The following GPC6 variants were observed in gnomAD, a reference collection of about 807,000 sequenced individuals.
The protein encoded by GPC6 is glypican 6.
GPC6 carries 14 observed loss-of-function variants against 55.2 expected under a neutral mutation model. The observed-to-expected ratio is 0.25, with a 90% CI of 0.17 to 0.40. The LOEUF (loss-of-function observed/expected upper bound fraction) is 0.40. GPC6 is among the 10% of genes least tolerant of loss of function. The pLI, the probability that GPC6 is intolerant of heterozygous loss-of-function variation, is 1.00. For missense variants in GPC6, 641 were observed against 708.5 expected, an observed-to-expected ratio of 0.90 and a Z score of 1.08; for synonymous variants, 278 against 259.6, an observed-to-expected ratio of 1.07 and a Z score of -0.68.
chr13:94,182,883 C>G lies in GPC6; in HGVS notation c.878-103466C>G, dbSNP rs931946680. On this transcript the variant is annotated intron_variant, in intron 4 of 8. Coordinates refer to ENST00000377047, the MANE Select transcript of GPC6 (RefSeq NM_005708.5). ...CTGAACCCCTCAGGTTCAAGTGATC[C>G]TCCCACCTCAGCCTCCCAAGTAGCT... is the stretch of plus-strand genomic sequence containing the variant. Among the ~76,000 whole-genome samples the G allele has an allele frequency of 2.0e-5, 3 of 152,262 alleles. No individual in the cohort carries two copies. The East Asian group carries it at 5.8e-4, about 29-fold the overall frequency.
At chr13:93,979,596 C>G (rs1361977340) in intron 3 of GPC6, among the ~76,000 whole-genome samples, 1 of 151,990 alleles carries the variant, frequency 6.6e-6, no homozygotes, top group Admixed American at 6.6e-5. Context: ...ATTTAGAAGA[C>G]TTACAGCCGC....
At position 94,054,390 on chromosome 13, in the gene GPC6, G is replaced by A. The variant is rs187679751; in HGVS notation, c.877+26496G>A. 1.6e-4 allele frequency among the ~76,000 whole-genome samples: 25 copies of A among 152,296 alleles called. No homozygotes were observed. The East Asian group carries it at 3.3e-3, about 20-fold the overall frequency. Reference sequence around the variant, plus strand: ...TTAGATCAGTGGAGTCGCCCGGAGGGCCTGTTAAACCACAAAGCGCTGTGC... The same window carrying A: ...TTAGATCAGTGGAGTCGCCCGGAGGACCTGTTAAACCACAAAGCGCTGTGC... On this transcript the variant is annotated intron_variant, in intron 4 of 8. Coordinates refer to ENST00000377047, the MANE Select transcript of GPC6 (RefSeq NM_005708.5).
At chr13:93,498,470 A>G (rs934867524) in intron 1 of GPC6, among the ~76,000 whole-genome samples, 1 of 152,128 alleles carries the variant, frequency 6.6e-6, no homozygotes, top group Non-Finnish European at 1.5e-5. Context: ...CTCAACTTGA[A>G]TTGTGTCTCC....
chr13:94,144,042 A>C (rs1887472484), intron 4 of GPC6, among the ~76,000 whole-genome samples: 1 of 152,152 alleles, frequency 6.6e-6, no homozygotes, highest in African/African-American at 2.4e-5. Context: ...ATTTTGTCCT[A>C]ATGGTGAAAA....
chr13:94,326,445 T>C (rs538657647), intron 6 of GPC6, among the ~76,000 whole-genome samples: 22 of 152,206 alleles, frequency 1.4e-4, no homozygotes, highest in African/African-American at 5.1e-4. Context: ...TTTCACAAAA[T>C]TATAATCACA....
At chr13:94,394,173 A>G (rs552780991) in intron 7 of GPC6, among the ~76,000 whole-genome samples, 3 of 152,342 alleles carry the variant, frequency 2.0e-5, no homozygotes, top group Admixed American at 2.0e-4. Flanking sequence ...ATTCTGTAAA[A>G]CTGCCAAAGA....
intron 2 of GPC6, among the ~76,000 whole-genome samples, chr13:93,554,886 T>G (rs1875373853): frequency 6.6e-6 from 1 of 152,220 alleles, no homozygotes. Context: ...CATTTGTTAT[T>G]CTTGCAAAAG....
intron 6 of GPC6, among the ~76,000 whole-genome samples, chr13:94,350,075 T>TTGTGTGTGTGTGTGTGTGTGTGTGTGTG (rs367555548): frequency 2.0e-5 from 3 of 150,050 alleles, no homozygotes; most frequent in African/African-American, 7.4e-5. Flanking sequence ...TATATATCTT[T>TTGTGTGTGTGTGTGTGTGTGTGTGTGTG]TGTGTGTGTG....
At chr13:94,340,851 T>G (rs1466748633) in intron 6 of GPC6, among the ~76,000 whole-genome samples, 1 of 152,226 alleles carries the variant, frequency 6.6e-6, no homozygotes, top group Non-Finnish European at 1.5e-5. Context: ...TACATTTCTG[T>G]ATAAAAGGTT....
At chr13:93,221,873 T>C (rs1875637707), upstream of GPC6, among the ~76,000 whole-genome samples, 2 of 152,222 alleles carry the variant, frequency 1.3e-5, no homozygotes, top group Admixed American at 1.3e-4. Flanking sequence ...ATTCTCCTGT[T>C]TTCCTAAGAT....
chr13:93,721,707 G>A (rs1566503660), intron 2 of GPC6, among the ~76,000 whole-genome samples: 1 of 151,610 alleles, frequency 6.6e-6, no homozygotes, highest in Admixed American at 6.6e-5. Context: ...TGCTATTTTG[G>A]CTATTAAATC....
intron 7 of GPC6, among the ~76,000 whole-genome samples, chr13:94,396,077 G>T (rs1050058845): frequency 6.6e-6 from 1 of 152,306 alleles, no homozygotes; most frequent in Non-Finnish European, 1.5e-5. Flanking sequence ...CCTCTCTGTG[G>T]TATCAGTTCT....
At chr13:93,749,753 C>T (rs72643135) in intron 2 of GPC6, among the ~76,000 whole-genome samples, 1 of 152,040 alleles carries the variant, frequency 6.6e-6, no homozygotes, top group Non-Finnish European at 1.5e-5. Flanking sequence ...CCCCAAAAAG[C>T]CAAGAAGCCA....
intron 2 of GPC6, among the ~76,000 whole-genome samples, chr13:93,734,212 A>G (rs1331026281): frequency 6.6e-6 from 1 of 152,200 alleles, no homozygotes; most frequent in Non-Finnish European, 1.5e-5. Flanking sequence ...AATGAACCAT[A>G]AAGCTCTTCA....
At chr13:93,224,266 C>G (rs1218368794), upstream of GPC6, among the ~76,000 whole-genome samples, 2 of 149,582 alleles carry the variant, frequency 1.3e-5, no homozygotes, top group East Asian at 4.0e-4. Context: ...ACGATCTCGC[C>G]TCACCGCAAC....
At chr13:93,800,721 G>A (rs897643038) in intron 2 of GPC6, among the ~76,000 whole-genome samples, 21 of 151,786 alleles carry the variant, frequency 1.4e-4, no homozygotes, top group Admixed American at 1.4e-3. Flanking sequence ...TAAGCAATGT[G>A]CATAAAATGT....
intron 4 of GPC6, among the ~76,000 whole-genome samples, chr13:94,222,823 G>C (rs957533295): frequency 1.3e-5 from 2 of 152,056 alleles, no homozygotes; most frequent in African/African-American, 4.8e-5. Flanking sequence ...TATTACCAGT[G>C]ATCTATTCTC....
At chr13:93,847,180 C>CA (rs1340692347) in intron 3 of GPC6, among the ~76,000 whole-genome samples, 2 of 152,090 alleles carry the variant, frequency 1.3e-5, no homozygotes, top group East Asian at 3.9e-4. Context: ...GTGTAATGGC[C>CA]ATGAGGAAGG....
At chr13:93,744,528 C>CT (rs71736430) in intron 2 of GPC6, among the ~76,000 whole-genome samples, 11,909 of 96,564 alleles carry the variant, frequency 0.12, 2,424 homozygotes, top group Middle Eastern at 0.17. Flanking sequence ...TTTCCCTAGT[C>CT]TTTTTTTTTT....
Sources: gnomAD v4.1 joint callset for allele counts (sites outside exome capture counted in the v4.1 genomes callset) on GRCh38, gnomAD v4.1.1 for gene constraint, MANE v1.5 for transcripts, NCBI Gene and HGNC (gene_info 2026-07-23, HGNC 2026-07-21) for gene names.